The following CNOT4 variants were observed in gnomAD, a reference collection of about 807,000 sequenced individuals.
CNOT4 encodes the protein CCR4-NOT transcription complex subunit 4, also known as CCR4-associated factor 4.
Under a neutral mutation model 73.8 loss-of-function variants are expected in CNOT4, and 8 were observed. The observed-to-expected ratio is 0.11, with a 90% CI of 0.06 to 0.20. The LOEUF (loss-of-function observed/expected upper bound fraction) is 0.20. CNOT4 is among the 10% of genes least tolerant of loss of function. The probability of loss-of-function intolerance (pLI) is 1.00; values close to 1 mark genes in which losing one functional copy is unlikely to be tolerated. For synonymous variants in CNOT4, 293 were observed against 321.1 expected, an observed-to-expected ratio of 0.91 and a Z score of 0.94; for missense variants, 564 against 883.4, an observed-to-expected ratio of 0.64 and a Z score of 4.58.
At chr7:135,473,396 G>A (rs1288758010) in intron 1 of CNOT4, among the ~76,000 whole-genome samples, 1 of 152,074 alleles carries the variant, frequency 6.6e-6, no homozygotes, top group Non-Finnish European at 1.5e-5. Context: ...TAATAAACAT[G>A]ACAGTTTTCC....
At chr7:135,479,540 A>T (rs1310288178) in intron 1 of CNOT4, among the ~76,000 whole-genome samples, 1 of 152,002 alleles carries the variant, frequency 6.6e-6, no homozygotes, top group Non-Finnish European at 1.5e-5. Flanking sequence ...CACCAATCTA[A>T]AACATAAATA....
intron 7 of CNOT4, among the ~76,000 whole-genome samples, chr7:135,410,081 G>A (rs1797510499): frequency 6.6e-6 from 1 of 151,956 alleles, no homozygotes; most frequent in African/African-American, 2.4e-5. Flanking sequence ...GTGATTCCTG[G>A]AACTAGATAT....
intron 10 of CNOT4, among the ~76,000 whole-genome samples, chr7:135,393,511 T>C (rs1796508562): frequency 6.6e-6 from 1 of 152,160 alleles, no homozygotes; most frequent in Non-Finnish European, 1.5e-5. Context: ...TTATCCCTCA[T>C]GCTCTCATTA....
At chr7:135,437,324 G>C (rs1799215511) in intron 2 of CNOT4, among the ~76,000 whole-genome samples, 1 of 152,066 alleles carries the variant, frequency 6.6e-6, no homozygotes, top group Non-Finnish European at 1.5e-5. Context: ...CAAGTAGCTG[G>C]GACTATAGGT....
At chr7:135,398,314 A>T in intron 7 of CNOT4, 88 bp from the exon 8 acceptor site, 1 of 702,730 alleles carries the variant, frequency 1.4e-6, no homozygotes, top group Non-Finnish European at 2.5e-6. Flanking sequence ...AAAAAAACAG[A>T]CACTTTACCA....
At chr7:135,455,997 T>C (rs1384428661) in intron 1 of CNOT4, among the ~76,000 whole-genome samples, 1 of 152,224 alleles carries the variant, frequency 6.6e-6, no homozygotes, top group Non-Finnish European at 1.5e-5. Context: ...AAAACCCCCA[T>C]TTAAAAATGT....
At chr7:135,489,391 CTTTTTTTTTT>C (rs71174525) in intron 1 of CNOT4, among the ~76,000 whole-genome samples, 2 of 84,746 alleles carry the variant, frequency 2.4e-5, no homozygotes, top group African/African-American at 9.5e-5. Context: ...AGTCACATTT[CTTTTTTTTTT>C]TTTTTTTTTT....
At chr7:135,386,103 C>T (rs1217337408) in intron 10 of CNOT4, 1 of 150,052 alleles carries the variant, frequency 6.7e-6, no homozygotes. Flanking sequence ...TCATTCAGTA[C>T]AGGACTCTAT....
intron 1 of CNOT4, among the ~76,000 whole-genome samples, chr7:135,506,585 C>T (rs932795621): frequency 6.6e-6 from 1 of 152,152 alleles, no homozygotes; most frequent in Non-Finnish European, 1.5e-5. Context: ...CATGGTGGCT[C>T]ACGTCTGTAA....
intron 2 of CNOT4, among the ~76,000 whole-genome samples, chr7:135,429,062 A>G (rs1490752230): frequency 6.6e-6 from 1 of 152,072 alleles, no homozygotes; most frequent in Non-Finnish European, 1.5e-5. Flanking sequence ...TACTTCATCT[A>G]TTTCTAAAAT....
chr7:135,372,208 G>A (rs188423047), intron 10 of CNOT4, among the ~76,000 whole-genome samples: 20 of 152,288 alleles, frequency 1.3e-4, no homozygotes, highest in African/African-American at 4.8e-4. Context: ...AAATAAGGAA[G>A]AAAACTTTTA....
chr7:135,450,255 T>C (rs903820702), intron 1 of CNOT4, among the ~76,000 whole-genome samples: 2 of 152,142 alleles, frequency 1.3e-5, no homozygotes, highest in African/African-American at 4.8e-5. Context: ...CCTCCACTAA[T>C]GAAACTTCTG....
At chr7:135,472,841 G>C (rs1324537095) in intron 1 of CNOT4, among the ~76,000 whole-genome samples, 1 of 151,712 alleles carries the variant, frequency 6.6e-6, no homozygotes, top group Non-Finnish European at 1.5e-5. Context: ...GTAGTTAAAG[G>C]CCAGCCTGGG....
intron 10 of CNOT4, among the ~76,000 whole-genome samples, chr7:135,367,647 C>A (rs1794988024): frequency 6.6e-6 from 1 of 152,174 alleles, no homozygotes; most frequent in Admixed American, 6.5e-5. Flanking sequence ...TTCTTACTGC[C>A]AGGAACTAGC....
chr7:135,375,319 T>C (rs1795458009), intron 10 of CNOT4, among the ~76,000 whole-genome samples: 1 of 152,162 alleles, frequency 6.6e-6, no homozygotes, highest in South Asian at 2.1e-4. Flanking sequence ...CATCCAGAAG[T>C]TAACAGACAA....
At chr7:135,409,879 CTAAGA>C (rs1190220996) in intron 7 of CNOT4, among the ~76,000 whole-genome samples, 1 of 152,030 alleles carries the variant, frequency 6.6e-6, no homozygotes, top group Non-Finnish European at 1.5e-5. Context: ...AAAATATAAT[CTAAGA>C]TAAGAAGATC....
At position 135,364,206 on chromosome 7, in the gene CNOT4, A is replaced by T; in HGVS notation, c.1628-140T>A. 1 of 714,816 alleles carries T rather than the reference A, an allele frequency of 1.4e-6. No individual in the cohort carries two copies. The highest frequency in any genetic ancestry group is 2.0e-5 in the South Asian group (1 of 50,458). The allele number at this position is 714,816 out of a possible 1,614,324, so 44.3% of individuals were successfully genotyped here. ...GCATTTAAAATGGGTTGTCCTAGCA[A>T]GATAAACTTGGTTAGGATTTTGCTC... On this transcript the variant is annotated intron_variant, in intron 10 of 11. Coordinates refer to ENST00000541284, the MANE Select transcript of CNOT4 (RefSeq NM_001190850.2). This position sits in a 1 kb window ranked among gnomAD's most constrained non-coding sequence, Gnocchi z 4.3.
chr7:135,424,112 T>C (rs1194939454), intron 2 of CNOT4, among the ~76,000 whole-genome samples: 1 of 151,462 alleles, frequency 6.6e-6, no homozygotes, highest in African/African-American at 2.4e-5. Flanking sequence ...AAACATAAAT[T>C]ATTTCTTGCA....
intron 1 of CNOT4, among the ~76,000 whole-genome samples, chr7:135,472,201 G>A (rs1801629276): frequency 6.6e-6 from 1 of 150,534 alleles, no homozygotes; most frequent in Non-Finnish European, 1.5e-5. Flanking sequence ...ATACAGGCTG[G>A]GCGTGGTGGC....
Sources: allele counts gnomAD v4.1 joint callset (sites outside exome capture counted in the v4.1 genomes callset), GRCh38; gene constraint gnomAD v4.1.1; non-coding constraint Gnocchi (gnomAD v3.1); transcripts MANE v1.5; gene names NCBI Gene and HGNC (gene_info 2026-07-23, HGNC 2026-07-21).